CNTNAP2: variants seen among roughly 807,000 people sequenced by gnomAD.
CNTNAP2 encodes the protein contactin-associated protein-like 2.
In CNTNAP2, 98 loss-of-function variants were observed where a neutral mutation model predicts 155.2. That is an observed-to-expected ratio of 0.63 (90% CI 0.54 to 0.75). CNTNAP2 has a LOEUF of 0.75. Among genes scored for constraint, CNTNAP2 ranks in the 30% least tolerant of loss-of-function variants. CNTNAP2 has a pLI of 0.00. For synonymous variants in CNTNAP2, 651 were observed against 631.2 expected (o/e 1.03, Z -0.47); for missense variants, 1,727 against 1,688.1 (o/e 1.02, Z -0.40).
At chr7:147,596,595 T>G (rs1277558791) in intron 12 of CNTNAP2, among the ~76,000 whole-genome samples, 1 of 152,178 alleles carries the variant, frequency 6.6e-6, no homozygotes, top group Non-Finnish European at 1.5e-5. Context: ...CTGAGCCCCA[T>G]CTCATTCATT....
intron 3 of CNTNAP2, among the ~76,000 whole-genome samples, chr7:146,984,603 A>G (rs1351531141): frequency 6.6e-6 from 1 of 152,132 alleles, no homozygotes; most frequent in African/African-American, 2.4e-5. Context: ...ATGAGATGAT[A>G]ACAGAAGTAA....
intron 1 of CNTNAP2, among the ~76,000 whole-genome samples, chr7:146,692,709 G>A (rs1800718096): frequency 6.6e-6 from 1 of 152,012 alleles, no homozygotes; most frequent in Admixed American, 6.6e-5. Flanking sequence ...TGTGTAAATG[G>A]GGATCATAAT....
chr7:147,784,807 C>T (rs907193454), intron 13 of CNTNAP2, among the ~76,000 whole-genome samples: 1 of 151,606 alleles, frequency 6.6e-6, no homozygotes, highest in Non-Finnish European at 1.5e-5. Flanking sequence ...TGGGAGCTGG[C>T]AGCTGGACTG....
intron 9 of CNTNAP2, among the ~76,000 whole-genome samples, chr7:147,347,087 G>A (rs1795876063): frequency 1.3e-5 from 2 of 152,078 alleles, no homozygotes; most frequent in African/African-American, 4.8e-5. Context: ...CAGAGGCAAG[G>A]CACTAGGGTA....
At chr7:147,356,609 T>C (rs550909688) in intron 9 of CNTNAP2, among the ~76,000 whole-genome samples, 3 of 152,242 alleles carry the variant, frequency 2.0e-5, no homozygotes, top group African/African-American at 7.2e-5. Context: ...GAAAGTCTTC[T>C]CTCACCTACC....
At position 147,090,322 on chromosome 7, in the gene CNTNAP2, CGTGTGT is replaced by C. The variant is rs146882206; in HGVS notation, c.551-17800_551-17795del. 3.5e-5 allele frequency among the ~76,000 whole-genome samples: 5 copies of C among 141,892 alleles called. No individual in the cohort carries two copies. In the East Asian group the frequency reaches 8.6e-4, roughly 24 times the overall value. The allele number at this position is 141,892 out of a possible 152,430, so 93.1% of individuals were successfully genotyped here. A position where few individuals can be genotyped will look rare whatever the true frequency, so the allele number is the denominator to read the frequency against. Reference sequence around the variant, plus strand: ...AGAAGACTGATATAGAACATATAAGCGTGTGTGTGTGTGTGTGTGTGTGTGTGTGTT... The same window carrying C: ...AGAAGACTGATATAGAACATATAAGCGTGTGTGTGTGTGTGTGTGTGTGTT... On this transcript the variant is annotated intron_variant, in intron 4 of 23. Coordinates refer to ENST00000361727, the MANE Select transcript of CNTNAP2 (RefSeq NM_014141.6).
chr7:146,749,123 T>A (rs1801860569), intron 1 of CNTNAP2, among the ~76,000 whole-genome samples: 1 of 152,138 alleles, frequency 6.6e-6, no homozygotes, highest in South Asian at 2.1e-4. Context: ...ATATAACATA[T>A]ACATATATAC....
At chr7:146,904,498 G>A (rs955258120) in intron 3 of CNTNAP2, among the ~76,000 whole-genome samples, 2 of 152,116 alleles carry the variant, frequency 1.3e-5, no homozygotes, top group African/African-American at 4.8e-5. Flanking sequence ...TTGAGACAGA[G>A]TCTTGCTCTG....
chr7:146,337,457 G>A (rs1023038302), intron 1 of CNTNAP2, among the ~76,000 whole-genome samples: 5 of 152,006 alleles, frequency 3.3e-5, no homozygotes, highest in African/African-American at 1.2e-4. Context: ...CACGATTACT[G>A]TTTTATTTTT....
In CNTNAP2 at chr7:146,247,368, G is replaced by A. The variant is rs112485890; in HGVS notation, c.97+130395G>A. 5.3e-3 allele frequency among the ~76,000 whole-genome samples: 808 copies of A among 152,268 alleles called. 8 individuals carry two copies. Among genetic ancestry groups the A allele is most frequent in the African/African-American group, 0.018 (757 of 41,546 alleles). On this transcript the variant is annotated intron_variant, in intron 1 of 23. Transcript: ENST00000361727. Reference sequence around the variant, plus strand: ...AGCCGGACCGGGTGTGAGGAGGGGAGGTGATAAAAGGATTATAGGGTGGAG... The same window carrying A: ...AGCCGGACCGGGTGTGAGGAGGGGAAGTGATAAAAGGATTATAGGGTGGAG...
intron 20 of CNTNAP2, among the ~76,000 whole-genome samples, chr7:148,260,559 G>C (rs922011474): frequency 6.6e-6 from 1 of 152,218 alleles, no homozygotes; most frequent in African/African-American, 2.4e-5. Flanking sequence ...GGGCTTAGCA[G>C]TTTGAGTCAA....
At chr7:146,690,848 T>C (rs1453203837) in intron 1 of CNTNAP2, among the ~76,000 whole-genome samples, 1 of 152,112 alleles carries the variant, frequency 6.6e-6, no homozygotes, top group African/African-American at 2.4e-5. Context: ...GGAACTTAAT[T>C]TGTGAAGCAA....
At position 146,480,667 on chromosome 7, in the gene CNTNAP2, T is replaced by C. The variant is rs1369659066; in HGVS notation, c.98-293604T>C. Among the ~76,000 whole-genome samples, 4 of 140,028 alleles carry C rather than the reference T, an allele frequency of 2.9e-5. No individual in the cohort carries two copies. The South Asian group carries it at 6.5e-4, about 23-fold the overall frequency. The allele number at this position is 140,028 out of a possible 152,430, so 91.9% of individuals were successfully genotyped here. A position where few individuals can be genotyped will look rare whatever the true frequency, so the allele number is the denominator to read the frequency against. The stretch of plus-strand genomic sequence containing the variant: ...GCAATTTCTTAGAACCTATAAAATA[T>C]ATATATATTTTTTTTTTTCCTTTTT... On this transcript the variant is annotated intron_variant, in intron 1 of 23. Coordinates refer to ENST00000361727, the MANE Select transcript of CNTNAP2 (RefSeq NM_014141.6).
intron 1 of CNTNAP2, among the ~76,000 whole-genome samples, chr7:146,533,858 C>T (rs1170677626): frequency 1.3e-5 from 2 of 151,974 alleles, no homozygotes; most frequent in Non-Finnish European, 2.9e-5. Context: ...AGATTGCAAG[C>T]TGTATTTCTT....
chr7:147,771,481 T>G (rs1011852367), intron 13 of CNTNAP2, among the ~76,000 whole-genome samples: 1 of 152,224 alleles, frequency 6.6e-6, no homozygotes, highest in African/African-American at 2.4e-5. Context: ...GGGTGACATT[T>G]CTAAGGCAGG....
At chr7:146,962,554 G>C (rs1489716441) in intron 3 of CNTNAP2, among the ~76,000 whole-genome samples, 1 of 152,094 alleles carries the variant, frequency 6.6e-6, no homozygotes, top group African/African-American at 2.4e-5. Context: ...TTGTTTGTTT[G>C]TTTGTTTGTT....
chr7:147,163,423 A>T (rs944270552), intron 8 of CNTNAP2, among the ~76,000 whole-genome samples: 1 of 152,178 alleles, frequency 6.6e-6, no homozygotes, highest in Non-Finnish European at 1.5e-5. Flanking sequence ...AGTGAATTTA[A>T]AATATTTATA....
At chr7:146,876,694 C>G (rs374251822) in intron 3 of CNTNAP2, among the ~76,000 whole-genome samples, 1 of 152,054 alleles carries the variant, frequency 6.6e-6, no homozygotes, top group Non-Finnish European at 1.5e-5. Context: ...TCCAGATCAC[C>G]CTGGGTCATT....
intron 21 of CNTNAP2, among the ~76,000 whole-genome samples, chr7:148,288,113 T>G (rs1797120243): frequency 6.9e-6 from 1 of 145,158 alleles, no homozygotes; most frequent in African/African-American, 2.6e-5. Flanking sequence ...TTTCTTTTTT[T>G]TTTTTAAAGA....
Sources: gnomAD v4.1 joint callset for allele counts (sites outside exome capture counted in the v4.1 genomes callset) on GRCh38, gnomAD v4.1.1 for gene constraint, MANE v1.5 for transcripts, NCBI Gene and HGNC (gene_info 2026-07-23, HGNC 2026-07-21) for gene names.